The following FAAH2 variants were observed in gnomAD, a reference collection of about 807,000 sequenced individuals.
FAAH2 encodes fatty-acid amide hydrolase 2.
Under a neutral mutation model 36.9 loss-of-function variants are expected in FAAH2, and 60 were observed. The ratio of observed to expected loss-of-function variants is 1.63; its 90% CI spans 1.32 to 2.02. The LOEUF (loss-of-function observed/expected upper bound fraction) is 2.02. Ranked by LOEUF, FAAH2 falls within the 30% of genes most tolerant of loss-of-function variation. The pLI, the probability that FAAH2 is intolerant of heterozygous loss-of-function variation, is 0.00. For missense variants in FAAH2, 689 were observed against 397.5 expected, an observed-to-expected ratio of 1.73 and a Z score of -6.23; for synonymous variants, 214 against 143.8, an observed-to-expected ratio of 1.49 and a Z score of -3.49.
chrX:57,163,775 G>C, the FAAH2 span, among the ~76,000 whole-genome samples: 1 of 112,277 alleles, frequency 8.9e-6, no homozygotes, highest in Non-Finnish European at 1.9e-5. Flanking sequence ...ACTACCTAGT[G>C]AGATGAACCC....
At chrX:57,247,971 A>G in the FAAH2 span, among the ~76,000 whole-genome samples, 1 of 112,363 alleles carries the variant, frequency 8.9e-6, no homozygotes. Context: ...AATTTATTAG[A>G]AGTGTTTTAC....
intron 7 of FAAH2, among the ~76,000 whole-genome samples, chrX:57,425,490 G>C (rs1007696419): frequency 1.8e-5 from 2 of 111,421 alleles, no homozygotes; most frequent in African/African-American, 6.5e-5. Context: ...ACCTATAAAG[G>C]AAAGCCCATC....
chrX:57,289,238 T>G (rs1376537289), intron 1 of FAAH2, among the ~76,000 whole-genome samples: 1 of 111,783 alleles, frequency 8.9e-6, no homozygotes, highest in Non-Finnish European at 1.9e-5. Flanking sequence ...TGGCACTTTA[T>G]GGAAGAGTAT....
intron 2 of FAAH2, among the ~76,000 whole-genome samples, chrX:57,305,341 C>T (rs371536982): frequency 9.4e-6 from 1 of 106,834 alleles, no homozygotes; most frequent in Non-Finnish European, 1.9e-5. Context: ...TACTATAAGC[C>T]AGAAAAACTG....
At chrX:57,421,777 T>C (rs2056036535) in intron 7 of FAAH2, among the ~76,000 whole-genome samples, 1 of 111,930 alleles carries the variant, frequency 8.9e-6, no homozygotes, top group Non-Finnish European at 1.9e-5. Context: ...GTGGGTCCAT[T>C]GACACACTTC....
At chrX:57,477,643 C>T (rs1471319100) in intron 10 of FAAH2, among the ~76,000 whole-genome samples, 1 of 103,936 alleles carries the variant, frequency 9.6e-6, no homozygotes, top group Non-Finnish European at 2.0e-5. Flanking sequence ...TCCCCGCTCC[C>T]CCAACCCCAC....
At chrX:57,259,995 T>A in the FAAH2 span, among the ~76,000 whole-genome samples, 7,905 of 111,607 alleles carry the variant, frequency 0.071, 697 homozygotes, top group African/African-American at 0.25. Flanking sequence ...TTGGAATTAC[T>A]AATTTGTTTA....
chrX:57,331,525 A>T, intron 3 of FAAH2, 73 bp from the exon 4 acceptor site: 1 of 951,454 alleles, frequency 1.1e-6, no homozygotes, highest in Non-Finnish European at 1.4e-6. Flanking sequence ...CTAGTTGGCC[A>T]TCTTGCCCCT....
chrX:57,225,736 G>A, the FAAH2 span, among the ~76,000 whole-genome samples: 2 of 110,626 alleles, frequency 1.8e-5, no homozygotes, highest in South Asian at 3.7e-4. Context: ...TGTCAGTGGA[G>A]TATTGAAGTC....
the FAAH2 span, among the ~76,000 whole-genome samples, chrX:57,139,933 T>C: frequency 8.9e-6 from 1 of 112,178 alleles, no homozygotes; most frequent in Non-Finnish European, 1.9e-5. Flanking sequence ...AGTTTATGTA[T>C]ATGTAGATAA....
the FAAH2 span, among the ~76,000 whole-genome samples, chrX:57,254,566 C>T: frequency 1.8e-5 from 2 of 111,943 alleles, no homozygotes; most frequent in Non-Finnish European, 3.8e-5. Context: ...GAAATCACAA[C>T]AAACTGTCTC....
intron 7 of FAAH2, among the ~76,000 whole-genome samples, chrX:57,425,730 A>G (rs989850514): frequency 1.8e-5 from 2 of 111,664 alleles, no homozygotes; most frequent in Non-Finnish European, 3.8e-5. Context: ...TAAGGATAAA[A>G]AAGTCAATAC....
At chrX:57,401,363 A>G (rs1244199243) in intron 7 of FAAH2, among the ~76,000 whole-genome samples, 1 of 111,477 alleles carries the variant, frequency 9.0e-6, no homozygotes, top group Non-Finnish European at 1.9e-5. Context: ...CTTCAAAGGC[A>G]AACAAGAATT....
intron 5 of FAAH2, among the ~76,000 whole-genome samples, chrX:57,342,739 C>A (rs2053718525): frequency 9.0e-6 from 1 of 110,582 alleles, no homozygotes; most frequent in African/African-American, 3.3e-5. Flanking sequence ...TGAACACAGT[C>A]CCTGATAGGT....
At chrX:57,462,168 A>C (rs1260690396) in intron 10 of FAAH2, among the ~76,000 whole-genome samples, 1 of 55,931 alleles carries the variant, frequency 1.8e-5, no homozygotes, top group African/African-American at 1.0e-4. Flanking sequence ...TAGCCTACAA[A>C]AAAAAAAAAA....
chrX:57,400,525 T>C lies in FAAH2; in HGVS notation c.996+19496T>C, dbSNP rs773268149. ...TAGGGCCCGGAAAGCCACTTCTGCT[T>C]CAGGTGTCCATCTTACTAAATGGGT... On this transcript the variant is annotated intron_variant, in intron 7 of 10. Coordinates refer to ENST00000374900, the MANE Select transcript of FAAH2 (RefSeq NM_174912.4). 2.7e-5 allele frequency among the ~76,000 whole-genome samples: 3 copies of C among 112,451 alleles called. 1 individual carries two copies. The East Asian group carries it at 8.4e-4, about 32-fold the overall frequency.
intron 7 of FAAH2, among the ~76,000 whole-genome samples, chrX:57,421,464 G>A (rs12012630): frequency 2.3e-3 from 253 of 111,608 alleles, no homozygotes; most frequent in African/African-American, 7.6e-3. Flanking sequence ...TAGTTTTAGA[G>A]GGTAGGAATC....
intron 8 of FAAH2, among the ~76,000 whole-genome samples, chrX:57,440,494 A>T (rs1157830811): frequency 9.0e-6 from 1 of 111,260 alleles, no homozygotes; most frequent in East Asian, 2.8e-4. Context: ...GCTTAAGGAG[A>T]TTTTGGGCTG....
At chrX:57,417,845 CA>C (rs1569330462) in intron 7 of FAAH2, among the ~76,000 whole-genome samples, 1 of 111,984 alleles carries the variant, frequency 8.9e-6, no homozygotes, top group African/African-American at 3.2e-5. Context: ...CCCCTTCCCC[CA>C]GGTTCTCTAT....
Sources: allele counts gnomAD v4.1 joint callset (sites outside exome capture counted in the v4.1 genomes callset), GRCh38; gene constraint gnomAD v4.1.1; transcripts MANE v1.5; gene names NCBI Gene and HGNC (gene_info 2026-07-23, HGNC 2026-07-21).